RAD51B: variants seen among roughly 807,000 people sequenced by gnomAD.
RAD51B encodes DNA repair protein RAD51 homolog 2.
In RAD51B, 38 loss-of-function variants were observed where a neutral mutation model predicts 42.2. The observed-to-expected ratio is 0.90, with a 90% CI of 0.70 to 1.18. The LOEUF is 1.18. Among genes scored for constraint, RAD51B ranks in the 50% most tolerant of loss-of-function variants. The pLI is 0.00. For synonymous variants in RAD51B, 154 were observed against 145.2 expected, an observed-to-expected ratio of 1.06 and a Z score of -0.43; for missense variants, 373 against 400.7, an observed-to-expected ratio of 0.93 and a Z score of 0.59.
intron 10 of RAD51B, among the ~76,000 whole-genome samples, chr14:68,502,260 C>T (rs1312795601): frequency 6.6e-6 from 1 of 152,226 alleles, no homozygotes; most frequent in African/African-American, 2.4e-5. Context: ...CCTTTGAAGC[C>T]ACAGACAGGC....
intron 9 of RAD51B, chr14:68,421,949 T>G (rs1259172737): frequency 6.4e-7 from 1 of 1,555,822 alleles, no homozygotes; most frequent in African/African-American, 1.4e-5. Flanking sequence ...CATTTTCAAA[T>G]TTCTCCGTGT....
chr14:67,855,178 A>T (rs113642053), intron 4 of RAD51B, among the ~76,000 whole-genome samples: 4 of 148,338 alleles, frequency 2.7e-5, no homozygotes, highest in East Asian at 4.2e-4. Flanking sequence ...GATTACAGGC[A>T]TGAACCACCG....
intron 10 of RAD51B, among the ~76,000 whole-genome samples, chr14:68,553,666 T>C (rs1289374506): frequency 7.6e-6 from 1 of 130,732 alleles, no homozygotes; most frequent in Non-Finnish European, 1.5e-5. Flanking sequence ...TTAGCACAGA[T>C]GTGCAGCTCT....
At chr14:68,442,443 T>TTC (rs1231680661) in intron 9 of RAD51B, among the ~76,000 whole-genome samples, 2 of 141,150 alleles carry the variant, frequency 1.4e-5, no homozygotes, top group Non-Finnish European at 3.1e-5. Flanking sequence ...TGCTTTTTTT[T>TTC]TTTTTTTTTT....
chr14:67,904,328 A>T (rs1489486794), intron 7 of RAD51B, among the ~76,000 whole-genome samples: 1 of 152,022 alleles, frequency 6.6e-6, no homozygotes, highest in Non-Finnish European at 1.5e-5. Flanking sequence ...TTGCCAAACT[A>T]CTTTCCACAA....
chr14:68,037,391 T>G (rs1338912690), intron 7 of RAD51B, among the ~76,000 whole-genome samples: 1 of 151,174 alleles, frequency 6.6e-6, no homozygotes, highest in East Asian at 1.9e-4. Context: ...CAGCTAATTT[T>G]TATATTTTTA....
intron 7 of RAD51B, among the ~76,000 whole-genome samples, chr14:68,289,490 G>T (rs2081476485): frequency 6.6e-6 from 1 of 152,072 alleles, no homozygotes; most frequent in African/African-American, 2.4e-5. Context: ...CGAGGTGGGT[G>T]GATCATTTTA....
chr14:68,556,069 T>G (rs1888827563), intron 10 of RAD51B, among the ~76,000 whole-genome samples: 1 of 152,262 alleles, frequency 6.6e-6, no homozygotes, highest in Non-Finnish European at 1.5e-5. Flanking sequence ...GCCAAGTCAC[T>G]GTACTAGTGT....
intron 7 of RAD51B, among the ~76,000 whole-genome samples, chr14:68,230,840 A>G: frequency 6.6e-6 from 1 of 152,226 alleles, no homozygotes. Flanking sequence ...TGGTCATTGT[A>G]GTTGCTTGGA....
At chr14:68,389,231 A>G (rs2083680637) in intron 8 of RAD51B, among the ~76,000 whole-genome samples, 1 of 152,156 alleles carries the variant, frequency 6.6e-6, no homozygotes, top group Admixed American at 6.5e-5. Context: ...AAGAAACATA[A>G]CATTAATAGC....
intron 7 of RAD51B, among the ~76,000 whole-genome samples, chr14:67,895,185 G>A (rs755383729): frequency 6.6e-5 from 10 of 152,200 alleles, no homozygotes; most frequent in Non-Finnish European, 1.3e-4. Flanking sequence ...GAAAACATTG[G>A]AAATGAAGGC....
intron 7 of RAD51B, among the ~76,000 whole-genome samples, chr14:67,964,584 C>T (rs2074731787): frequency 6.6e-6 from 1 of 152,174 alleles, no homozygotes; most frequent in Non-Finnish European, 1.5e-5. Flanking sequence ...TGTATCTCCT[C>T]CTAAGGTTTT....
intron 9 of RAD51B, among the ~76,000 whole-genome samples, chr14:68,417,578 G>A (rs72727472): frequency 3.0e-3 from 450 of 152,254 alleles, no homozygotes; most frequent in Non-Finnish European, 5.1e-3. Context: ...GCAATGTATT[G>A]GCACTAGGCA....
At chr14:68,581,986 A>G (rs1181156711) in intron 10 of RAD51B, among the ~76,000 whole-genome samples, 1 of 152,216 alleles carries the variant, frequency 6.6e-6, no homozygotes, top group Non-Finnish European at 1.5e-5. Context: ...CCCCTTCCTT[A>G]CACCTTATAC....
chr14:68,487,604 G>A (rs1883732515), intron 10 of RAD51B, among the ~76,000 whole-genome samples: 1 of 151,898 alleles, frequency 6.6e-6, no homozygotes, highest in South Asian at 2.1e-4. Context: ...CACCTCCCAG[G>A]TTCAAGCAAT....
At chr14:67,882,685 T>C (rs2042945225) in intron 5 of RAD51B, among the ~76,000 whole-genome samples, 1 of 152,230 alleles carries the variant, frequency 6.6e-6, no homozygotes, top group Admixed American at 6.5e-5. Flanking sequence ...AATCTTGTCT[T>C]TTCTGCTTCA....
At chr14:67,826,797 C>T (rs960866114) in intron 3 of RAD51B, among the ~76,000 whole-genome samples, 50 of 152,028 alleles carry the variant, frequency 3.3e-4, no homozygotes, top group Admixed American at 3.1e-3. Flanking sequence ...ATCCTCCCAC[C>T]GCAGCCTCCC....
intron 8 of RAD51B, among the ~76,000 whole-genome samples, chr14:68,318,827 G>A (rs2082109135): frequency 6.6e-6 from 1 of 152,182 alleles, no homozygotes; most frequent in Non-Finnish European, 1.5e-5. Flanking sequence ...ATTTCTGCAT[G>A]TGTATTTTTT....
At chr14:68,580,465 A>G (rs1890163428) in intron 10 of RAD51B, among the ~76,000 whole-genome samples, 1 of 150,334 alleles carries the variant, frequency 6.7e-6, no homozygotes, top group Non-Finnish European at 1.5e-5. Flanking sequence ...CTCATCTGCA[A>G]ATGGGCACTC....
Sources: gnomAD v4.1 joint callset for allele counts (sites outside exome capture counted in the v4.1 genomes callset) on GRCh38, gnomAD v4.1.1 for gene constraint, MANE v1.5 for transcripts, NCBI Gene and HGNC (gene_info 2026-07-23, HGNC 2026-07-21) for gene names.